The following SPOCK3 variants were observed in gnomAD, a reference collection of about 807,000 sequenced individuals.
SPOCK3 encodes testican-3.
Under a neutral mutation model 56.6 loss-of-function variants are expected in SPOCK3, and 30 were observed. That is an observed-to-expected ratio of 0.53 (90% confidence interval 0.40 to 0.72). The LOEUF (loss-of-function observed/expected upper bound fraction) is 0.72. SPOCK3 is among the 30% of genes least tolerant of loss of function. SPOCK3 has a pLI of 0.00. For synonymous variants in SPOCK3, 196 were observed against 183.3 expected (o/e 1.07, Z -0.56); for missense variants, 527 against 530.0 (o/e 0.99, Z 0.06).
At chr4:166,874,823 G>A (rs892300109) in intron 6 of SPOCK3, among the ~76,000 whole-genome samples, 13 of 152,174 alleles carry the variant, frequency 8.5e-5, no homozygotes, top group Admixed American at 8.5e-4. Flanking sequence ...ATTGGAAAAA[G>A]TAATCCCTAA....
chr4:167,200,053 A>C (rs2110918060), intron 2 of SPOCK3, among the ~76,000 whole-genome samples: 1 of 152,216 alleles, frequency 6.6e-6, no homozygotes, highest in Middle Eastern at 3.4e-3. Flanking sequence ...TACTTTTTTA[A>C]ATTTCTGAAT....
intron 3 of SPOCK3, among the ~76,000 whole-genome samples, chr4:167,036,825 A>G (rs761927384): frequency 9.2e-5 from 14 of 152,020 alleles, no homozygotes; most frequent in Admixed American, 1.3e-4. Flanking sequence ...GCTTAGCTGT[A>G]TGGATGCCCT....
intron 4 of SPOCK3, among the ~76,000 whole-genome samples, chr4:166,994,407 G>A (rs776751000): frequency 2.6e-5 from 4 of 152,088 alleles, no homozygotes; most frequent in Non-Finnish European, 5.9e-5. Context: ...GGGCTAAACT[G>A]TGAAGCCAGG....
chr4:167,036,151 G>A (rs1752728439), intron 3 of SPOCK3, among the ~76,000 whole-genome samples: 1 of 152,080 alleles, frequency 6.6e-6, no homozygotes, highest in Non-Finnish European at 1.5e-5. Flanking sequence ...ATTGATAGAA[G>A]GAAATATTCC....
intron 2 of SPOCK3, among the ~76,000 whole-genome samples, chr4:167,203,119 A>C (rs931758543): frequency 6.6e-6 from 1 of 151,982 alleles, no homozygotes; most frequent in Non-Finnish European, 1.5e-5. Flanking sequence ...GCTATTAATG[A>C]ATTTCTGTAT....
chr4:166,742,598 G>T (rs943244343), intron 8 of SPOCK3, among the ~76,000 whole-genome samples: 1 of 151,964 alleles, frequency 6.6e-6, no homozygotes, highest in African/African-American at 2.4e-5. Context: ...TTATGTTAAA[G>T]ACCTTATTAT....
intron 4 of SPOCK3, among the ~76,000 whole-genome samples, chr4:166,953,441 G>T (rs1378173022): frequency 1.3e-5 from 2 of 151,332 alleles, no homozygotes; most frequent in African/African-American, 2.4e-5. Context: ...AACAACAGGT[G>T]CTGGAGAGGA....
intron 4 of SPOCK3, among the ~76,000 whole-genome samples, chr4:166,996,581 G>A (rs1007245734): frequency 1.3e-5 from 2 of 152,116 alleles, no homozygotes; most frequent in African/African-American, 4.8e-5. Flanking sequence ...AAAACATGCT[G>A]CAGCTAAAGT....
intron 5 of SPOCK3, among the ~76,000 whole-genome samples, chr4:166,898,871 A>T (rs572849759): frequency 1.3e-5 from 2 of 152,294 alleles, no homozygotes; most frequent in South Asian, 4.1e-4. Context: ...TCTGGGCATG[A>T]CTATGAGGAT....
chr4:166,838,175 G>A (rs1292909857), intron 6 of SPOCK3, among the ~76,000 whole-genome samples: 1 of 151,844 alleles, frequency 6.6e-6, no homozygotes, highest in East Asian at 1.9e-4. Flanking sequence ...ATCTTGTTTG[G>A]GGTTTGCTCA....
intron 8 of SPOCK3, among the ~76,000 whole-genome samples, chr4:166,753,494 G>A (rs1249852732): frequency 2.0e-5 from 3 of 151,890 alleles, no homozygotes; most frequent in Non-Finnish European, 4.4e-5. Context: ...CTCAACTAAA[G>A]CTTCTGTTGA....
At chr4:167,094,180 A>G (rs1211064727) in intron 2 of SPOCK3, among the ~76,000 whole-genome samples, 1 of 152,172 alleles carries the variant, frequency 6.6e-6, no homozygotes, top group African/African-American at 2.4e-5. Context: ...AAAATTAAAA[A>G]TACAATAATT....
At chr4:167,162,328 G>T (rs1405295570) in intron 2 of SPOCK3, among the ~76,000 whole-genome samples, 4 of 151,766 alleles carry the variant, frequency 2.6e-5, no homozygotes, top group African/African-American at 9.7e-5. Context: ...CTTAGCAATG[G>T]GTGAGGAAAA....
intron 6 of SPOCK3, among the ~76,000 whole-genome samples, chr4:166,881,357 G>A (rs943034088): frequency 2.6e-5 from 4 of 151,632 alleles, no homozygotes; most frequent in Admixed American, 6.6e-5. Flanking sequence ...TTGATTAATA[G>A]TAATTAACCA....
chr4:166,848,039 T>C (rs1224049251), intron 6 of SPOCK3, among the ~76,000 whole-genome samples: 5 of 152,116 alleles, frequency 3.3e-5, no homozygotes, highest in Non-Finnish European at 5.9e-5. Flanking sequence ...TTACACACAA[T>C]AGTTCTTAAA....
At chr4:166,841,523 A>T (rs971441528) in intron 6 of SPOCK3, among the ~76,000 whole-genome samples, 2 of 152,154 alleles carry the variant, frequency 1.3e-5, no homozygotes, top group Non-Finnish European at 2.9e-5. Context: ...TCCAAATTTA[A>T]ACCTATTTAG....
At chr4:166,857,898 T>A (rs1310299360) in intron 6 of SPOCK3, among the ~76,000 whole-genome samples, 5 of 152,232 alleles carry the variant, frequency 3.3e-5, no homozygotes, top group Non-Finnish European at 7.3e-5. Flanking sequence ...TGTATTCTCC[T>A]TTTCTATGTA....
intron 2 of SPOCK3, among the ~76,000 whole-genome samples, chr4:167,063,237 C>T (rs970928810): frequency 9.2e-5 from 14 of 151,590 alleles, no homozygotes; most frequent in Admixed American, 8.6e-4. Context: ...TGTAGGGCAA[C>T]GTATACTGAA....
intron 2 of SPOCK3, among the ~76,000 whole-genome samples, chr4:167,123,306 T>C (rs1762011762): frequency 6.6e-6 from 1 of 152,222 alleles, no homozygotes; most frequent in South Asian, 2.1e-4. Flanking sequence ...TATATATCAT[T>C]AGAAGTCCAG....
Sources: gnomAD v4.1 joint callset for allele counts (sites outside exome capture counted in the v4.1 genomes callset) on GRCh38, gnomAD v4.1.1 for gene constraint, MANE v1.5 for transcripts, NCBI Gene and HGNC (gene_info 2026-07-23, HGNC 2026-07-21) for gene names.